The following TRIO variants were observed in gnomAD, a reference collection of about 807,000 sequenced individuals.
The protein encoded by TRIO is triple functional domain protein.
TRIO carries 58 observed loss-of-function variants against 351.9 expected under a neutral mutation model. The observed-to-expected ratio is 0.16, with a 90% confidence interval of 0.13 to 0.21. The LOEUF (loss-of-function observed/expected upper bound fraction) is 0.21. Ranked by LOEUF, TRIO falls within the 10% of genes least tolerant of loss-of-function variation. The pLI, the probability that TRIO is intolerant of heterozygous loss-of-function variation, is 1.00. For synonymous variants in TRIO, 1,758 were observed against 1,595.7 expected (o/e 1.10, Z -2.42); for missense variants, 3,201 against 4,027.8 (o/e 0.79, Z 5.56).
chr5:14,207,496 CCAGGTAGCATAGCAAGACTGTCTCTCT>C (rs1561202766), intron 1 of TRIO, among the ~76,000 whole-genome samples: 6 of 34,202 alleles, frequency 1.8e-4, no homozygotes, highest in Non-Finnish European at 2.4e-4. Flanking sequence ...ACACACACAG[CCAGGTAGCATAGCAAGACTGTCTCTCT>C]ACACACACAC....
intron 1 of TRIO, among the ~76,000 whole-genome samples, chr5:14,206,751 G>T (rs1791486502): frequency 6.6e-6 from 1 of 152,212 alleles, no homozygotes; most frequent in South Asian, 2.1e-4. Flanking sequence ...TTCATTATAT[G>T]CTATTTCCGT....
Position 14,488,155 on chromosome 5 carries a change from C to G in TRIO, c.7527C>G (p.Leu2509=), listed in dbSNP as rs1466785470. 6.2e-7 allele frequency: 1 copy of G among 1,606,298 alleles called. No individual in the cohort carries two copies. The highest frequency in any genetic ancestry group is 1.1e-5 in the South Asian group (1 of 90,974). Residue 2509 remains leucine (L), a synonymous_variant, in exon 48 of 57, where the codon CTC becomes CTG. Transcript: ENST00000344204. ...CCTTCCCGGGGGACAGCGACTCCCT[C>G]CAGCGGCAGACACCCCGCCACGCGG... ...SFTFPGDSDS[L]QRQTPRHAAP...
intron 48 of TRIO, 127 bp downstream of exon 48, chr5:14,488,387 C>T: frequency 1.1e-5 from 15 of 1,394,514 alleles, no homozygotes; most frequent in Admixed American, 2.6e-5. Flanking sequence ...GCGGCCTCTA[C>T]CTGGGACCAG....
chr5:14,245,278 C>T (rs1794367426), intron 1 of TRIO, among the ~76,000 whole-genome samples: 1 of 152,194 alleles, frequency 6.6e-6, no homozygotes, highest in Non-Finnish European at 1.5e-5. Flanking sequence ...CATTAGTAAA[C>T]CCTAGAAATC....
intron 31 of TRIO, 145 bp from the exon 32 acceptor site, chr5:14,405,703 T>C: frequency 1.1e-6 from 1 of 898,880 alleles, no homozygotes; most frequent in Admixed American, 2.8e-5. Flanking sequence ...TTTGGTAGCA[T>C]ATTAAACGTC....
intron 34 of TRIO, among the ~76,000 whole-genome samples, chr5:14,458,173 G>A (rs1753509231): frequency 6.6e-6 from 1 of 151,942 alleles, no homozygotes; most frequent in Non-Finnish European, 1.5e-5. Flanking sequence ...TCCTTGTCTT[G>A]TGCAGTTGTG....
At chr5:14,182,127 A>G (rs1789816407) in intron 1 of TRIO, among the ~76,000 whole-genome samples, 1 of 151,394 alleles carries the variant, frequency 6.6e-6, no homozygotes, top group African/African-American at 2.4e-5. Context: ...CATCCAACAC[A>G]GTAATGACGT....
intron 29 of TRIO, 116 bp from the exon 30 acceptor site, chr5:14,398,764 T>A: frequency 1.0e-6 from 1 of 981,328 alleles, no homozygotes; most frequent in Non-Finnish European, 1.5e-6. Context: ...GAAACTCTTA[T>A]CTAGGGTTGG....
At position 14,497,722 on chromosome 5, in the gene TRIO, T is replaced by C; in HGVS notation, c.8020-125T>C. On this transcript the variant is annotated intron_variant, in intron 50 of 56. Transcript: ENST00000344204. The surrounding 1 kb of genome is among the most constrained non-coding windows in gnomAD (Gnocchi z 4.4). Reference sequence around the variant, plus strand: ...GAGTGCAGTGAAAATGTGGTCTGTTTTGATTGATGCCCAGGCAAGTCAGTT... The same window carrying C: ...GAGTGCAGTGAAAATGTGGTCTGTTCTGATTGATGCCCAGGCAAGTCAGTT... The C allele has an allele frequency of 7.8e-7, 1 of 1,286,124 alleles. No homozygotes were observed. The highest frequency in any genetic ancestry group is 1.1e-6 in the Non-Finnish European group (1 of 888,656). The allele number at this position is 1,286,124 out of a possible 1,614,324, so 79.7% of individuals were successfully genotyped here.
chr5:14,399,127 G>C lies in TRIO; in HGVS notation c.4614+57G>C, dbSNP rs769758899. 4 of 1,494,096 alleles carry C rather than the reference G, an allele frequency of 2.7e-6. No homozygotes were observed. In the African/African-American group the frequency reaches 5.5e-5, roughly 21 times the overall value. The allele number at this position is 1,494,096 out of a possible 1,614,324, so 92.6% of individuals were successfully genotyped here. ...AAGGTAACACAATTGCAGTCTTTTT[G>C]TAGGTAGAGAAGAATTGTTCATTGT... On this transcript the variant is annotated intron_variant, in intron 30 of 56. Transcript: ENST00000344204.
At chr5:14,402,747 A>G (rs903141800) in intron 31 of TRIO, among the ~76,000 whole-genome samples, 2 of 150,820 alleles carry the variant, frequency 1.3e-5, no homozygotes, top group Admixed American at 6.6e-5. Flanking sequence ...TGATGAGGGT[A>G]TAGATGGTGG....
intron 21 of TRIO, among the ~76,000 whole-genome samples, chr5:14,383,875 C>T (rs1247812331): frequency 6.6e-6 from 1 of 152,158 alleles, no homozygotes; most frequent in African/African-American, 2.4e-5. Context: ...TTTGCTTTTA[C>T]TGTATAGAGA....
intron 33 of TRIO, among the ~76,000 whole-genome samples, chr5:14,408,068 G>A (rs572754432): frequency 1.2e-4 from 19 of 152,084 alleles, no homozygotes; most frequent in Non-Finnish European, 2.4e-4. Flanking sequence ...CATCATTTCC[G>A]CAGCCCACTC....
Position 14,378,098 on chromosome 5 carries a change from T to C in TRIO, c.3418T>C (p.Tyr1140His). 1 of 1,612,898 alleles carries C rather than the reference T, an allele frequency of 6.2e-7. No homozygotes were observed. Among genetic ancestry groups the C allele is most frequent in the Non-Finnish European group, 8.5e-7 (1 of 1,179,588 alleles). Residue 1140 changes from tyrosine (Y) to histidine (H), a missense_variant, in exon 20 of 57, where the codon TAC becomes CAC. This residue lies in a region of TRIO where 201 missense variants were observed against 266.5 expected (regional missense o/e 0.75). Transcript: ENST00000344204. The stretch of plus-strand genomic sequence containing the variant: ...GAGACGGCTGGACCAGTGTCAGCAG[T>C]ACGTGGTCTTTGAGAGGAGTGCCAA... ...RKRRLDQCQQYVVFERSAKQA... is the reference protein window; with the variant it reads ...RKRRLDQCQQHVVFERSAKQA...
Position 14,471,373 on chromosome 5 carries a change from C to G in TRIO, c.5819C>G (p.Pro1940Arg). Residue 1940 changes from proline to arginine, a missense_variant, in exon 38 of 57, where the codon CCT (proline) becomes CGT (arginine). Transcript: ENST00000344204. ...GTTGACCAGGGAGATAGTAGCAGCC[C>G]TTCCTTCAACCCTTCGGATAATTCC... is the stretch of plus-strand genomic sequence containing the variant. ...LLVDQGDSSS[P>R]SFNPSDNSLL... 1.2e-6 allele frequency: 2 copies of G among 1,614,136 alleles called. No individual in the cohort carries two copies. The highest frequency in any genetic ancestry group is 1.7e-6 in the Non-Finnish European group (2 of 1,180,032).
chr5:14,406,034 A>AG (rs1748685709), intron 32 of TRIO, 44 bp downstream of exon 32: 5 of 1,599,424 alleles, frequency 3.1e-6, no homozygotes, highest in Non-Finnish European at 4.3e-6. Flanking sequence ...TGTGGGAGGG[A>AG]GGGGCGAGGC....
intron 1 of TRIO, among the ~76,000 whole-genome samples, chr5:14,237,637 GTGAATGTGAATACAAT>G (rs1793861091): frequency 6.6e-6 from 1 of 152,218 alleles, no homozygotes; most frequent in Admixed American, 6.5e-5. Context: ...ACAGATGGAA[GTGAATGTGAATACAAT>G]TGAATATGAG....
intron 8 of TRIO, among the ~76,000 whole-genome samples, chr5:14,308,352 G>A (rs1339139122): frequency 5.8e-4 from 22 of 38,146 alleles, no homozygotes; most frequent in Non-Finnish European, 7.4e-4. Flanking sequence ...ACCCACCCAC[G>A]CACCCAACCA....
intron 12 of TRIO, 41 bp downstream of exon 12, chr5:14,358,388 C>A (rs531445791): frequency 2.5e-6 from 4 of 1,603,980 alleles, no homozygotes; most frequent in Admixed American, 3.3e-5. Flanking sequence ...GATTCTGAAA[C>A]CCTGCCTGTG....
Sources: gnomAD v4.1 joint callset for allele counts (sites outside exome capture counted in the v4.1 genomes callset) on GRCh38, gnomAD v4.1.1 for gene constraint, gnomAD v4.1.1 regional missense constraint, Gnocchi (gnomAD v3.1) non-coding constraint, MANE v1.5 for transcripts, NCBI Gene and HGNC (gene_info 2026-07-23, HGNC 2026-07-21) for gene names.